Variants in CSMD1 observed in about 807,000 individuals in gnomAD.
CSMD1 encodes CUB and sushi domain-containing protein 1.
Under a neutral mutation model 417.5 loss-of-function variants are expected in CSMD1, and 213 were observed. The observed-to-expected ratio is 0.51, with a 90% CI of 0.46 to 0.57. CSMD1 has a LOEUF of 0.57. Ranked by LOEUF, CSMD1 falls within the 20% of genes least tolerant of loss-of-function variation. The pLI is 0.00. For missense variants in CSMD1, 6,923 were observed against 4,529.7 expected (o/e 1.53, Z -15.17); for synonymous variants, 2,862 against 1,736.8 (o/e 1.65, Z -16.11).
At chr8:3,004,967 C>T (rs1049690385) in intron 52 of CSMD1, among the ~76,000 whole-genome samples, 2 of 152,190 alleles carry the variant, frequency 1.3e-5, no homozygotes, top group South Asian at 4.2e-4. Context: ...GGTGAAAGCC[C>T]ATCTCTACTA....
At chr8:4,319,705 G>T (rs1799155374) in intron 3 of CSMD1, among the ~76,000 whole-genome samples, 1 of 152,112 alleles carries the variant, frequency 6.6e-6, no homozygotes, top group African/African-American at 2.4e-5. Flanking sequence ...GAATTTGGCA[G>T]TTCTTGGATT....
chr8:4,120,178 T>C (rs560601851), intron 3 of CSMD1, among the ~76,000 whole-genome samples: 8 of 152,248 alleles, frequency 5.3e-5, no homozygotes, highest in African/African-American at 1.9e-4. Context: ...CATAAATATA[T>C]ACACCTATTG....
chr8:3,756,330 G>A (rs1441872193), intron 5 of CSMD1, among the ~76,000 whole-genome samples: 1 of 145,126 alleles, frequency 6.9e-6, no homozygotes, highest in African/African-American at 2.6e-5. Flanking sequence ...TCCACCCTGG[G>A]CAACACACTG....
At chr8:4,941,939 A>C (rs1808031414) in intron 1 of CSMD1, among the ~76,000 whole-genome samples, 1 of 152,240 alleles carries the variant, frequency 6.6e-6, no homozygotes, top group Middle Eastern at 3.4e-3. Flanking sequence ...CAAACACAAC[A>C]GTTTTTATCT....
intron 5 of CSMD1, among the ~76,000 whole-genome samples, chr8:3,872,267 C>T (rs1409445756): frequency 1.3e-5 from 2 of 152,116 alleles, no homozygotes; most frequent in Admixed American, 1.3e-4. Context: ...CTTCTGTGAA[C>T]TGAACGTGTC....
intron 5 of CSMD1, among the ~76,000 whole-genome samples, chr8:3,977,584 C>A (rs1009805789): frequency 6.6e-6 from 1 of 152,176 alleles, no homozygotes; most frequent in Admixed American, 6.5e-5. Context: ...CACAAAGCCC[C>A]ATGTTAAATT....
chr8:3,987,793 A>G (rs927926468), intron 5 of CSMD1, among the ~76,000 whole-genome samples: 9 of 152,244 alleles, frequency 5.9e-5, no homozygotes, highest in Non-Finnish European at 1.5e-5. Context: ...CGCCACGTCA[A>G]GAAGCATAGC....
intron 1 of CSMD1, among the ~76,000 whole-genome samples, chr8:4,914,320 T>G (rs527789783): frequency 3.9e-4 from 59 of 152,160 alleles, no homozygotes; most frequent in Non-Finnish European, 7.1e-4. Flanking sequence ...CTCACACCTG[T>G]AATCCCAACA....
Position 3,308,418 on chromosome 8 carries a change from T to C in CSMD1, c.3717A>G (p.Val1239=), listed in dbSNP as rs779314352. ...IRDEGHFTDT[V]VLYSCNPGYA... is the part of the protein sequence containing the mutation. ...ACCCCGGGTTGCAACTGTACAGAAC[T>C]ACAGTGTCGGTAAAGTGGCCTTCAT... Residue 1239 remains valine (V), a synonymous_variant, in exon 24 of 70, where the codon GTA becomes GTG. Transcript: ENST00000635120. The C allele has an allele frequency of 1.9e-6, 3 of 1,613,794 alleles. No individual in the cohort carries two copies. The Admixed American group carries it at 5.0e-5, about 27-fold the overall frequency.
intron 2 of CSMD1, among the ~76,000 whole-genome samples, chr8:4,453,006 C>G (rs546111161): frequency 6.6e-6 from 1 of 152,110 alleles, no homozygotes; most frequent in African/African-American, 2.4e-5. Flanking sequence ...CCACAGTCCT[C>G]TGAAGAATAC....
intron 2 of CSMD1, among the ~76,000 whole-genome samples, chr8:4,615,177 C>G (rs1417188670): frequency 1.3e-5 from 2 of 152,094 alleles, no homozygotes; most frequent in Admixed American, 1.3e-4. Flanking sequence ...CTATTATCGC[C>G]CTTACACTCT....
intron 3 of CSMD1, among the ~76,000 whole-genome samples, chr8:4,355,636 C>T (rs891132225): frequency 2.6e-5 from 4 of 152,166 alleles, no homozygotes; most frequent in African/African-American, 7.2e-5. Flanking sequence ...TTACAGAAAT[C>T]ATTCAAGAAA....
At chr8:3,128,450 T>A (rs1817625578) in intron 41 of CSMD1, 1 of 163,836 alleles carries the variant, frequency 6.1e-6, no homozygotes. Context: ...ACTTTAAGAA[T>A]AAGGTGTACA....
At chr8:2,969,266 C>T (rs1804230017) in intron 57 of CSMD1, among the ~76,000 whole-genome samples, 1 of 152,136 alleles carries the variant, frequency 6.6e-6, no homozygotes, top group Admixed American at 6.5e-5. Context: ...CATCATCACT[C>T]TTACTTATTG....
chr8:3,101,836 C>A (rs567425577), intron 46 of CSMD1, among the ~76,000 whole-genome samples: 42 of 128,758 alleles, frequency 3.3e-4, no homozygotes, highest in Non-Finnish European at 5.8e-4. Context: ...GAGTCTTGCT[C>A]TGTCGCTCAG....
intron 12 of CSMD1, among the ~76,000 whole-genome samples, chr8:3,460,909 T>C (rs999496590): frequency 4.6e-5 from 7 of 152,092 alleles, no homozygotes; most frequent in Non-Finnish European, 8.8e-5. Context: ...ACATGACCAC[T>C]TGTGGTCCCA....
At chr8:3,276,076 T>C (rs1240823369) in intron 26 of CSMD1, among the ~76,000 whole-genome samples, 1 of 152,226 alleles carries the variant, frequency 6.6e-6, no homozygotes, top group Non-Finnish European at 1.5e-5. Flanking sequence ...ACTTTTGGTC[T>C]TTGATGCTGT....
chr8:4,211,562 C>G (rs767746156), intron 3 of CSMD1, among the ~76,000 whole-genome samples: 2 of 152,080 alleles, frequency 1.3e-5, no homozygotes, highest in Admixed American at 6.6e-5. Flanking sequence ...AATGTTTACT[C>G]AAATTAGATA....
chr8:4,251,920 A>G (rs888898609), intron 3 of CSMD1, among the ~76,000 whole-genome samples: 2 of 151,060 alleles, frequency 1.3e-5, no homozygotes, highest in African/African-American at 4.9e-5. Flanking sequence ...TAATGTGGGA[A>G]TGGGAAGGGA....
Sources: allele counts gnomAD v4.1 joint callset (sites outside exome capture counted in the v4.1 genomes callset), GRCh38; gene constraint gnomAD v4.1.1; transcripts MANE v1.5; gene names NCBI Gene and HGNC (gene_info 2026-07-23, HGNC 2026-07-21).